The following BPIFB1 variants were observed in gnomAD, a reference collection of about 807,000 sequenced individuals.
BPIFB1 encodes BPI fold containing family B member 1, also known as BPI fold-containing family B member 1.
In BPIFB1, 34 loss-of-function variants were observed where a neutral mutation model predicts 55.1. The ratio of observed to expected loss-of-function variants is 0.62; its 90% CI spans 0.47 to 0.82. The LOEUF is 0.82. Among genes scored for constraint, BPIFB1 ranks in the 40% least tolerant of loss-of-function variants. The pLI, the probability that BPIFB1 is intolerant of heterozygous loss-of-function variation, is 0.00. For synonymous variants in BPIFB1, 236 were observed against 245.3 expected (o/e 0.96, Z 0.35); for missense variants, 532 against 593.1 (o/e 0.90, Z 1.07).
chr20:33,296,653 C>T (rs1335695814), intron 6 of BPIFB1, among the ~76,000 whole-genome samples: 1 of 152,146 alleles, frequency 6.6e-6, no homozygotes, highest in Non-Finnish European at 1.5e-5. Context: ...AGTTGTCATC[C>T]CCTCCAAGTT....
chr20:33,307,853 G>A (rs10454755), intron 15 of BPIFB1: 36,537 of 151,664 alleles, frequency 0.24, 5,958 homozygotes, highest in East Asian at 0.65. Context: ...GGCGGAGGTT[G>A]CAGTGACCTG....
chr20:33,287,267 CAGGAGTGTGGGGAGGCA>C (rs1980300400), intron 2 of BPIFB1, among the ~76,000 whole-genome samples: 1 of 152,206 alleles, frequency 6.6e-6, no homozygotes, highest in Admixed American at 6.5e-5. Context: ...GAAACACCTA[CAGGAGTGTGGGGAGGCA>C]AGGCAGGGAA....
chr20:33,285,204 A>G (rs1016937302), intron 1 of BPIFB1, among the ~76,000 whole-genome samples: 1 of 152,162 alleles, frequency 6.6e-6, no homozygotes, highest in African/African-American at 2.4e-5. Context: ...GAAGCAAGGA[A>G]GAGCAAGAGC....
At chr20:33,297,213 G>A (rs1379256488) in intron 6 of BPIFB1, among the ~76,000 whole-genome samples, 4 of 152,230 alleles carry the variant, frequency 2.6e-5, no homozygotes, top group African/African-American at 4.8e-5. Context: ...GAGCCATTGC[G>A]CCCAGCCTCC....
At chr20:33,301,009 T>C (rs987582002) in intron 8 of BPIFB1, among the ~76,000 whole-genome samples, 15 of 151,914 alleles carry the variant, frequency 9.9e-5, no homozygotes, top group African/African-American at 2.9e-4. Flanking sequence ...AGTTGAAGCA[T>C]GGGAAAAAAA....
chr20:33,297,649 G>C (rs750101529), intron 7 of BPIFB1, 61 bp downstream of exon 7: 14 of 1,581,060 alleles, frequency 8.9e-6, no homozygotes, highest in Non-Finnish European at 1.0e-5. Flanking sequence ...TCCAGACCCT[G>C]ACTCCACCAA....
chr20:33,307,033 C>T (rs1600670999), intron 15 of BPIFB1, 46 bp downstream of exon 15: 1 of 1,547,906 alleles, frequency 6.5e-7, no homozygotes, highest in Non-Finnish European at 8.9e-7. Flanking sequence ...GAGGGCACAG[C>T]CACTGAGAGC....
intron 11 of BPIFB1, among the ~76,000 whole-genome samples, chr20:33,303,734 C>T (rs1376739524): frequency 6.6e-6 from 1 of 152,178 alleles, no homozygotes; most frequent in Admixed American, 6.5e-5. Flanking sequence ...TCATCATTAT[C>T]ATTCCCCACA....
intron 15 of BPIFB1, among the ~76,000 whole-genome samples, chr20:33,308,487 C>T (rs1368639539): frequency 6.6e-6 from 1 of 150,782 alleles, no homozygotes; most frequent in Non-Finnish European, 1.5e-5. Context: ...CACCTATACA[C>T]ATACATACAC....
At position 33,301,246 on chromosome 20, in the gene BPIFB1, A is replaced by T. The variant is rs1416951521; in HGVS notation, c.761A>T (p.Asp254Val). The T allele has an allele frequency of 1.2e-6, 2 of 1,613,972 alleles. No homozygotes were observed. The highest frequency in any genetic ancestry group is 8.5e-7 in the Non-Finnish European group (1 of 1,179,976). The change falls in exon 9 of 16, where the codon GAC becomes GTC. Residue 254 changes from aspartate to valine, a missense_variant. Physicochemically the swap from Asp to Val is radical, Grantham distance 152. Coordinates refer to ENST00000253354, the MANE Select transcript of BPIFB1 (RefSeq NM_033197.3). Reference protein sequence around the residue: ...IQLYLGAKLLDSQGKVTKWFN... With the variant: ...IQLYLGAKLLVSQGKVTKWFN... ...CTGTCTCCTCAGGCCAAGTTGTTGG[A>T]CTCACAGGGAAAGGTGACCAAGTGG...
At chr20:33,303,686 G>A (rs565395061) in intron 11 of BPIFB1, among the ~76,000 whole-genome samples, 1 of 152,268 alleles carries the variant, frequency 6.6e-6, no homozygotes, top group African/African-American at 2.4e-5. Context: ...AGGGAGTGAG[G>A]GCTCTATGAA....
In BPIFB1 at chr20:33,304,884, G is replaced by A; in HGVS notation, c.1247G>A (p.Trp416Ter). ...CAGCTGATGAACTCTGGGATTGGCT[G>A]GTTCCAAGTAAGTGTTAACAGGTGG... is the stretch of plus-strand genomic sequence containing the variant. The part of the protein sequence containing the change: ...RIQLMNSGIG[W>*]FQPDVLKNII... The change falls in exon 13 of 16, where the codon TGG (tryptophan) becomes TAG (stop). Residue 416 changes from tryptophan (W) to a stop codon, truncating the protein, a stop_gained. Coordinates refer to ENST00000253354, the MANE Select transcript of BPIFB1 (RefSeq NM_033197.3). LOFTEE classifies it high-confidence loss of function. 6.2e-7 allele frequency: 1 copy of A among 1,614,142 alleles called. No individual in the cohort carries two copies. Among genetic ancestry groups the A allele is most frequent in the Non-Finnish European group, 8.5e-7 (1 of 1,180,010 alleles).
intron 6 of BPIFB1, among the ~76,000 whole-genome samples, chr20:33,297,203 G>A (rs996825902): frequency 6.6e-6 from 1 of 152,256 alleles, no homozygotes; most frequent in African/African-American, 2.4e-5. Context: ...TTACAGGCAT[G>A]AGCCATTGCG....
At chr20:33,300,086 G>A in intron 8 of BPIFB1, 102 bp downstream of exon 8, 2 of 1,014,578 alleles carry the variant, frequency 2.0e-6, no homozygotes, top group Non-Finnish European at 3.1e-6. Flanking sequence ...AGAAAATCCT[G>A]GTCACCATTA....
chr20:33,306,179 G>A, intron 14 of BPIFB1, 114 bp downstream of exon 14: 1 of 1,165,038 alleles, frequency 8.6e-7, no homozygotes, highest in Non-Finnish European at 1.3e-6. Flanking sequence ...ATCCCTCAGA[G>A]CCTACTTCAA....
chr20:33,301,946 G>T (rs1434614093), intron 9 of BPIFB1, among the ~76,000 whole-genome samples: 2 of 152,176 alleles, frequency 1.3e-5, no homozygotes, highest in Admixed American at 6.5e-5. Flanking sequence ...GGGGGAAAGG[G>T]TTGGTCCAAC....
In BPIFB1 at chr20:33,297,582, G is replaced by T. The variant is rs758757008; in HGVS notation, c.655G>T (p.Val219Leu). Reference protein sequence around the residue: ...NGMYADLLQLVKVPISLSIDR... With the variant: ...NGMYADLLQLLKVPISLSIDR... ...CATGTATGCAGACCTCCTGCAGCTG[G>T]TGAAGGGTAGGTGCTCTGCTCTCTC... The change falls in exon 7 of 16, where the codon GTG becomes TTG. Residue 219 changes from valine (V) to leucine (L), a missense_variant. Coordinates refer to ENST00000253354, the MANE Select transcript of BPIFB1 (RefSeq NM_033197.3). 6.2e-7 allele frequency: 1 copy of T among 1,614,186 alleles called. No individual in the cohort carries two copies. Among genetic ancestry groups the T allele is most frequent in the Admixed American group, 1.7e-5 (1 of 60,026 alleles).
intron 6 of BPIFB1, 32 bp downstream of exon 6, chr20:33,292,020 G>T: frequency 6.3e-7 from 1 of 1,599,396 alleles, no homozygotes; most frequent in Non-Finnish European, 8.6e-7. Context: ...CTGGCCTGTG[G>T]GCATTGCGCC....
chr20:33,283,920 A>G (rs771607783), intron 1 of BPIFB1, among the ~76,000 whole-genome samples: 1 of 152,114 alleles, frequency 6.6e-6, no homozygotes, highest in African/African-American at 2.4e-5. Flanking sequence ...AGCAGTGTGT[A>G]CAGATAATGC....
Sources: allele counts gnomAD v4.1 joint callset (sites outside exome capture counted in the v4.1 genomes callset), GRCh38; gene constraint gnomAD v4.1.1; transcripts MANE v1.5; gene names NCBI Gene and HGNC (gene_info 2026-07-23, HGNC 2026-07-21).